KCNMA1: variants seen among roughly 807,000 people sequenced by gnomAD.
The protein encoded by KCNMA1 is Calcium-activated potassium channel subunit alpha-1.
KCNMA1 carries 29 observed loss-of-function variants against 140.0 expected under a neutral mutation model. The ratio of observed to expected loss-of-function variants is 0.21; its 90% CI spans 0.15 to 0.28. KCNMA1 has a LOEUF of 0.28. Ranked by LOEUF, KCNMA1 falls within the 10% of genes least tolerant of loss-of-function variation. KCNMA1 has a pLI of 1.00. For missense variants in KCNMA1, 880 were observed against 1,602.2 expected (o/e 0.55, Z 7.70); for synonymous variants, 612 against 611.9 (o/e 1.00, Z 0.00).
intron 19 of KCNMA1, among the ~76,000 whole-genome samples, chr10:76,971,209 G>C (rs2075985275): frequency 6.6e-6 from 1 of 152,126 alleles, no homozygotes; most frequent in South Asian, 2.1e-4. Context: ...CTGAAACTCA[G>C]AATGCACAGC....
Position 76,886,851 on chromosome 10 carries a change from A to G in KCNMA1, c.*415T>C. On this transcript the variant is annotated 3_prime_UTR_variant, in exon 28 of 28. Coordinates refer to ENST00000286628, the MANE Select transcript of KCNMA1 (RefSeq NM_001161352.2). ...AAAGAAAGAAAGGAAAACAACAACA[A>G]CAACAAAATCAAAACCCAAAGCACC... is the stretch of plus-strand genomic sequence containing the variant. The G allele has an allele frequency of 2.8e-6, 3 of 1,080,450 alleles. No homozygotes were observed. The highest frequency in any genetic ancestry group is 3.4e-6 in the Non-Finnish European group (3 of 887,076). The allele number at this position is 1,080,450 out of a possible 1,614,324, so 66.9% of individuals were successfully genotyped here. A position where few individuals can be genotyped will look rare whatever the true frequency, so the allele number is the denominator to read the frequency against.
chr10:77,160,148 G>A lies in KCNMA1; in HGVS notation c.808+23273C>T, dbSNP rs143290705. 8.8e-3 allele frequency among the ~76,000 whole-genome samples: 1,333 copies of A among 152,262 alleles called. 5 individuals carry two copies. The highest frequency in any genetic ancestry group is 0.024 in the Middle Eastern group (7 of 292). On this transcript the variant is annotated intron_variant, in intron 5 of 27. Transcript: ENST00000286628. ...CCTGCTCTTCTCCAAGGGTGTCAAC[G>A]GAGTAAGTCCTGCCCCAGAGTAAAT...
At chr10:77,323,989 C>G (rs12256436) in intron 2 of KCNMA1, among the ~76,000 whole-genome samples, 25,092 of 152,176 alleles carry the variant, frequency 0.16, 3,118 homozygotes, top group African/African-American at 0.35. Flanking sequence ...TATGCAGATG[C>G]TGACTTACCA....
At chr10:76,918,556 C>A (rs2053928209) in intron 23 of KCNMA1, among the ~76,000 whole-genome samples, 1 of 152,092 alleles carries the variant, frequency 6.6e-6, no homozygotes, top group Non-Finnish European at 1.5e-5. Flanking sequence ...CTTATTCCTG[C>A]AAGAACGGCC....
At chr10:76,880,830 A>G (rs1489147534), downstream of KCNMA1, among the ~76,000 whole-genome samples, 2 of 152,206 alleles carry the variant, frequency 1.3e-5, no homozygotes, top group Non-Finnish European at 2.9e-5. Flanking sequence ...TTCATCTCAC[A>G]TACCAGAAAG....
chr10:76,988,805 A>C lies in KCNMA1; in HGVS notation c.2266+12602T>G, dbSNP rs537863787. ...AGTTTTCTAATGATCCCAGGACCTA[A>C]GGATTCTAACAGCTGGGCTAAAATC... On this transcript the variant is annotated intron_variant, in intron 19 of 27. Transcript: ENST00000286628. Among the ~76,000 whole-genome samples, 8 of 152,280 alleles carry C rather than the reference A, an allele frequency of 5.3e-5. No individual in the cohort carries two copies. In the South Asian group the frequency reaches 1.2e-3, roughly 24 times the overall value.
chr10:76,985,930 T>TA (rs1197188671), intron 19 of KCNMA1, among the ~76,000 whole-genome samples: 1 of 152,004 alleles, frequency 6.6e-6, no homozygotes, highest in Non-Finnish European at 1.5e-5. Context: ...AAAAATAAAA[T>TA]AAAAAAGTAC....
intron 9 of KCNMA1, among the ~76,000 whole-genome samples, chr10:77,104,764 A>C (rs1316883275): frequency 6.6e-6 from 1 of 152,240 alleles, no homozygotes; most frequent in Non-Finnish European, 1.5e-5. Context: ...CTCATAAACT[A>C]ACCAGGAGTG....
At chr10:76,914,163 T>C in intron 24 of KCNMA1, 6 of 1,507,820 alleles carry the variant, frequency 4.0e-6, no homozygotes, top group Non-Finnish European at 5.4e-6. Context: ...ATTTAAGGGT[T>C]GGGGAAAGGG....
intron 1 of KCNMA1, among the ~76,000 whole-genome samples, chr10:77,456,792 T>C (rs1427274903): frequency 6.6e-6 from 1 of 152,152 alleles, no homozygotes; most frequent in East Asian, 1.9e-4. Flanking sequence ...TGGGACACAG[T>C]TGATTCTGGA....
At chr10:77,141,915 G>A (rs1319348211) in intron 5 of KCNMA1, among the ~76,000 whole-genome samples, 2 of 152,204 alleles carry the variant, frequency 1.3e-5, no homozygotes, top group Non-Finnish European at 2.9e-5. Flanking sequence ...GACGTATTGA[G>A]CATCTATTAT....
At chr10:77,401,112 C>A (rs1011422733) in intron 2 of KCNMA1, among the ~76,000 whole-genome samples, 5 of 151,928 alleles carry the variant, frequency 3.3e-5, no homozygotes, top group African/African-American at 1.2e-4. Flanking sequence ...TACAACACCC[C>A]CTGCCTCAAA....
At chr10:77,053,696 C>G (rs2095449217) in intron 14 of KCNMA1, among the ~76,000 whole-genome samples, 1 of 152,152 alleles carries the variant, frequency 6.6e-6, no homozygotes, top group African/African-American at 2.4e-5. Context: ...GATTATTCCT[C>G]TATCTTCTCC....
intron 23 of KCNMA1, among the ~76,000 whole-genome samples, chr10:76,941,233 A>C (rs1026588394): frequency 6.6e-6 from 1 of 151,962 alleles, no homozygotes; most frequent in Non-Finnish European, 1.5e-5. Context: ...AAAAATGGAG[A>C]GTAACATGAA....
intron 25 of KCNMA1, among the ~76,000 whole-genome samples, chr10:76,898,883 C>T (rs889148453): frequency 5.3e-5 from 8 of 151,410 alleles, no homozygotes; most frequent in African/African-American, 1.9e-4. Flanking sequence ...TGAAAAGTGT[C>T]AGTTAATGAA....
intron 1 of KCNMA1, among the ~76,000 whole-genome samples, chr10:77,536,118 A>C (rs765186020): frequency 1.4e-4 from 22 of 152,246 alleles, no homozygotes; most frequent in Non-Finnish European, 2.8e-4. Flanking sequence ...ATCATTACAC[A>C]TTGTGTGCTC....
chr10:77,371,139 C>T (rs1442111108), intron 2 of KCNMA1, among the ~76,000 whole-genome samples: 13 of 152,180 alleles, frequency 8.5e-5, no homozygotes, highest in Non-Finnish European at 1.2e-4. Flanking sequence ...TACTACTTAC[C>T]CAACACTGAA....
chr10:77,274,939 G>A (rs1244202636), intron 2 of KCNMA1, among the ~76,000 whole-genome samples: 1 of 152,220 alleles, frequency 6.6e-6, no homozygotes. Flanking sequence ...GGCAGCCTTG[G>A]CTGGCCATGG....
intron 1 of KCNMA1, among the ~76,000 whole-genome samples, chr10:77,492,606 G>A (rs557265126): frequency 6.6e-6 from 1 of 152,310 alleles, no homozygotes; most frequent in East Asian, 1.9e-4. Context: ...TGCAAGTAGT[G>A]CTCTAAGCAA....
Sources: allele counts gnomAD v4.1 joint callset (sites outside exome capture counted in the v4.1 genomes callset), GRCh38; gene constraint gnomAD v4.1.1; transcripts MANE v1.5; gene names NCBI Gene and HGNC (gene_info 2026-07-23, HGNC 2026-07-21).